Variants in LARGE1 observed in about 807,000 individuals in gnomAD.
LARGE1 encodes LARGE xylosyl- and glucuronyltransferase 1.
In LARGE1, 43 loss-of-function variants were observed where a neutral mutation model predicts 87.6. That is an observed-to-expected ratio of 0.49 (90% CI 0.38 to 0.63). LARGE1 has a LOEUF of 0.63. Among genes scored for constraint, LARGE1 ranks in the 30% least tolerant of loss-of-function variants. The pLI is 0.00. For missense variants in LARGE1, 802 were observed against 1,000.2 expected (o/e 0.80, Z 2.67); for synonymous variants, 434 against 394.6 (o/e 1.10, Z -1.18).
chr22:33,077,909 G>A, the LARGE1 span, among the ~76,000 whole-genome samples: 1 of 151,642 alleles, frequency 6.6e-6, no homozygotes. Flanking sequence ...TGTCCATCTA[G>A]GATGAAGGTG....
intron 1 of LARGE1, among the ~76,000 whole-genome samples, chr22:33,906,394 T>G (rs2065458180): frequency 6.6e-6 from 1 of 152,176 alleles, no homozygotes; most frequent in Non-Finnish European, 1.5e-5. Context: ...GGTTGTTGGA[T>G]TATAGGACAG....
chr22:33,805,145 C>T (rs2086269673), intron 1 of LARGE1, among the ~76,000 whole-genome samples: 1 of 152,190 alleles, frequency 6.6e-6, no homozygotes, highest in African/African-American at 2.4e-5. Flanking sequence ...GACTCTTCTT[C>T]CTCTGTTAGT....
intron 7 of LARGE1, among the ~76,000 whole-genome samples, chr22:33,415,251 A>T (rs2066444177): frequency 6.6e-6 from 1 of 152,214 alleles, no homozygotes; most frequent in Non-Finnish European, 1.5e-5. Flanking sequence ...TCTAATCAGC[A>T]TGCAGTAGCT....
chr22:33,112,763 CT>C, the LARGE1 span, among the ~76,000 whole-genome samples: 2 of 152,078 alleles, frequency 1.3e-5, no homozygotes, highest in South Asian at 4.2e-4. Context: ...GGCTGGAGTC[CT>C]TTTGAAGAGG....
At chr22:33,466,370 C>CCTCTCTCTCT (rs145185909) in intron 6 of LARGE1, among the ~76,000 whole-genome samples, 1 of 144,512 alleles carries the variant, frequency 6.9e-6, no homozygotes, top group Non-Finnish European at 1.5e-5. Context: ...TTTTCTCTTG[C>CCTCTCTCTCT]CTCTCTCTCT....
the LARGE1 span, among the ~76,000 whole-genome samples, chr22:33,120,836 C>G: frequency 1.3e-5 from 2 of 151,868 alleles, no homozygotes; most frequent in East Asian, 3.9e-4. Flanking sequence ...CTTTCTTACT[C>G]CCTCATGAAT....
At chr22:33,696,877 G>A (rs1450041882) in intron 2 of LARGE1, among the ~76,000 whole-genome samples, 1 of 152,054 alleles carries the variant, frequency 6.6e-6, no homozygotes, top group African/African-American at 2.4e-5. Context: ...AAAGTCAACT[G>A]GGGCTGACAT....
At chr22:33,796,576 T>A (rs2085991228) in intron 1 of LARGE1, among the ~76,000 whole-genome samples, 1 of 152,070 alleles carries the variant, frequency 6.6e-6, no homozygotes, top group African/African-American at 2.4e-5. Flanking sequence ...AAGAAGGACA[T>A]GGGTCAGAAA....
intron 2 of LARGE1, among the ~76,000 whole-genome samples, chr22:33,653,012 C>G (rs2080865133): frequency 6.6e-6 from 1 of 152,204 alleles, no homozygotes. Context: ...CAATTACAAG[C>G]TTCAACCCAA....
intron 5 of LARGE1, among the ~76,000 whole-genome samples, chr22:33,595,472 G>A (rs1205554574): frequency 6.6e-6 from 1 of 152,138 alleles, no homozygotes; most frequent in African/African-American, 2.4e-5. Context: ...TCTGTCTATG[G>A]GATGGAGACA....
intron 6 of LARGE1, among the ~76,000 whole-genome samples, chr22:33,487,417 G>A (rs764546973): frequency 2.0e-5 from 3 of 152,076 alleles, no homozygotes; most frequent in Non-Finnish European, 4.4e-5. Context: ...TCAGTCTAAC[G>A]GGTTTCTTGA....
intron 11 of LARGE1, among the ~76,000 whole-genome samples, chr22:33,171,655 C>G (rs548012082): frequency 1.4e-4 from 22 of 152,310 alleles, no homozygotes; most frequent in Admixed American, 1.1e-3. Flanking sequence ...GCAGCTTCCA[C>G]GTGGTGATAG....
chr22:33,195,742 C>A (rs370068552), intron 11 of LARGE1, among the ~76,000 whole-genome samples: 8 of 142,754 alleles, frequency 5.6e-5, no homozygotes, highest in Admixed American at 5.6e-4. Flanking sequence ...AAATTAATTT[C>A]TTTTTTCTTT....
chr22:33,141,942 T>C, the LARGE1 span, among the ~76,000 whole-genome samples: 2 of 152,364 alleles, frequency 1.3e-5, no homozygotes, highest in Admixed American at 6.5e-5. Context: ...TAGTAGATTG[T>C]AACAATTTTG....
intron 1 of LARGE1, among the ~76,000 whole-genome samples, chr22:33,912,893 TGA>T (rs1323205100): frequency 6.6e-6 from 1 of 151,804 alleles, no homozygotes; most frequent in Non-Finnish European, 1.5e-5. Flanking sequence ...GCAATGGCTG[TGA>T]TCTCGGCTCA....
At chr22:33,375,275 T>C (rs991067706) in intron 9 of LARGE1, among the ~76,000 whole-genome samples, 3 of 152,238 alleles carry the variant, frequency 2.0e-5, no homozygotes, top group African/African-American at 4.8e-5. Context: ...GGTAGAAGCA[T>C]TTCCTTCTTC....
intron 1 of LARGE1, among the ~76,000 whole-genome samples, chr22:33,884,309 A>T (rs2064782415): frequency 6.6e-6 from 1 of 152,224 alleles, no homozygotes; most frequent in Admixed American, 6.5e-5. Flanking sequence ...TGCAGGGAAC[A>T]TTATCCTGGG....
At chr22:33,131,655 T>C in the LARGE1 span, among the ~76,000 whole-genome samples, 1 of 152,152 alleles carries the variant, frequency 6.6e-6, no homozygotes, top group East Asian at 1.9e-4. Flanking sequence ...CTGTGAGACG[T>C]AATCACTATC....
Position 33,920,006 on chromosome 22 carries a change from C to A in LARGE1, c.-94G>T, listed in dbSNP as rs1012170976. The A allele has an allele frequency of 6.6e-6, 1 of 152,306 alleles. No individual in the cohort carries two copies. Among genetic ancestry groups the A allele is most frequent in the Non-Finnish European group, 1.5e-5 (1 of 68,118 alleles). The allele number at this position is 152,306 out of a possible 1,614,324, so 9.4% of individuals were successfully genotyped here. On this transcript the variant is annotated 5_prime_UTR_variant, in exon 1 of 15. Coordinates refer to ENST00000397394, the MANE Select transcript of LARGE1 (RefSeq NM_133642.5). ...TCCGGGGCTCTTACCTTGGCCGTGA[C>A]TGCCGCCAGGCAGAGGGAGACACGG...
Sources: gnomAD v4.1 joint callset for allele counts (sites outside exome capture counted in the v4.1 genomes callset) on GRCh38, gnomAD v4.1.1 for gene constraint, MANE v1.5 for transcripts, NCBI Gene and HGNC (gene_info 2026-07-23, HGNC 2026-07-21) for gene names.